The following VTI1A variants were observed in gnomAD, a reference collection of about 807,000 sequenced individuals.
The protein encoded by VTI1A is vesicle transport through interaction with t-SNAREs homolog 1A.
In VTI1A, 22 loss-of-function variants were observed where a neutral mutation model predicts 34.9. The observed-to-expected ratio is 0.63, with a 90% CI of 0.45 to 0.90. The LOEUF (loss-of-function observed/expected upper bound fraction) is 0.90. Among genes scored for constraint, VTI1A ranks in the 40% least tolerant of loss-of-function variants. The probability of loss-of-function intolerance (pLI) is 0.00; values close to 1 mark genes in which losing one functional copy is unlikely to be tolerated. For synonymous variants in VTI1A, 87 were observed against 97.3 expected (o/e 0.89, Z 0.62); for missense variants, 268 against 275.6 (o/e 0.97, Z 0.20).
At chr10:112,778,916 G>A (rs1852027946) in intron 7 of VTI1A, among the ~76,000 whole-genome samples, 1 of 152,128 alleles carries the variant, frequency 6.6e-6, no homozygotes, top group Non-Finnish European at 1.5e-5. Flanking sequence ...TTTGGCACAG[G>A]AAAGAAATAT....
chr10:112,612,523 A>G (rs1845358222), intron 5 of VTI1A, among the ~76,000 whole-genome samples: 1 of 152,128 alleles, frequency 6.6e-6, no homozygotes, highest in Non-Finnish European at 1.5e-5. Flanking sequence ...GGCTCAAGTG[A>G]TGATCCTCCC....
intron 5 of VTI1A, among the ~76,000 whole-genome samples, chr10:112,666,893 C>T (rs755570190): frequency 6.6e-6 from 1 of 152,078 alleles, no homozygotes; most frequent in African/African-American, 2.4e-5. Flanking sequence ...TGAACTCTTA[C>T]AACAATCTCA....
intron 3 of VTI1A, among the ~76,000 whole-genome samples, chr10:112,498,796 A>T (rs1449972518): frequency 6.6e-6 from 1 of 152,058 alleles, no homozygotes; most frequent in African/African-American, 2.4e-5. Flanking sequence ...TCATATTTAG[A>T]TGAACAATTT....
chr10:112,525,620 G>C (rs1850197016), intron 3 of VTI1A, among the ~76,000 whole-genome samples: 1 of 152,156 alleles, frequency 6.6e-6, no homozygotes, highest in African/African-American at 2.4e-5. Flanking sequence ...GGTTCTGCCA[G>C]AGACTTAAGA....
At chr10:112,813,638 CCTCA>C (rs1187740156) in intron 7 of VTI1A, among the ~76,000 whole-genome samples, 4 of 152,192 alleles carry the variant, frequency 2.6e-5, no homozygotes, top group African/African-American at 9.6e-5. Context: ...TGATAATTAG[CCTCA>C]CTATCATAAG....
intron 7 of VTI1A, among the ~76,000 whole-genome samples, chr10:112,747,845 T>C (rs1564910129): frequency 6.6e-6 from 1 of 152,194 alleles, no homozygotes; most frequent in East Asian, 1.9e-4. Context: ...CAGTTGTACC[T>C]AGCAATTTCC....
chr10:112,635,103 G>A (rs1429399298), intron 5 of VTI1A, among the ~76,000 whole-genome samples: 1 of 152,160 alleles, frequency 6.6e-6, no homozygotes, highest in Admixed American at 6.5e-5. Context: ...AGCTGGGGCT[G>A]GAGGTGCCTT....
intron 7 of VTI1A, among the ~76,000 whole-genome samples, chr10:112,724,204 C>T (rs999644231): frequency 2.6e-5 from 4 of 152,086 alleles, no homozygotes; most frequent in African/African-American, 9.7e-5. Flanking sequence ...GTGTTATTGC[C>T]TTTAACCAAG....
rs369070089 is a variant in VTI1A at position 112,769,758 on chromosome 10, A to G, written c.561-45532A>G. ...CTCACCTCTTTTACCTTCCTGTTGC[A>G]ACACCACAGACCTTAGAACATAGCC... On this transcript the variant is annotated intron_variant, in intron 7 of 7. Transcript: ENST00000393077. 5.9e-5 allele frequency among the ~76,000 whole-genome samples: 9 copies of G among 152,274 alleles called. 2 individuals carry two copies. The South Asian group carries it at 1.5e-3, about 25-fold the overall frequency.
intron 3 of VTI1A, among the ~76,000 whole-genome samples, chr10:112,523,284 C>T (rs183134686): frequency 6.6e-6 from 1 of 152,170 alleles, no homozygotes; most frequent in African/African-American, 2.4e-5. Flanking sequence ...ATGCAAAGGA[C>T]CTGTTCATAT....
intron 7 of VTI1A, among the ~76,000 whole-genome samples, chr10:112,721,310 A>G (rs186401836): frequency 6.6e-6 from 1 of 152,350 alleles, no homozygotes; most frequent in East Asian, 1.9e-4. Context: ...CCATTGCCAT[A>G]GTTAACAGTT....
At chr10:112,513,087 T>A (rs1849667807) in intron 3 of VTI1A, among the ~76,000 whole-genome samples, 1 of 152,110 alleles carries the variant, frequency 6.6e-6, no homozygotes, top group Non-Finnish European at 1.5e-5. Flanking sequence ...ATTGATGGTA[T>A]TTTGATAGAG....
intron 5 of VTI1A, among the ~76,000 whole-genome samples, chr10:112,620,776 C>G (rs530143976): frequency 1.9e-4 from 27 of 144,210 alleles, no homozygotes; most frequent in African/African-American, 5.5e-4. Flanking sequence ...GGCAATAAGA[C>G]CGAAACTCCA....
chr10:112,687,518 C>T (rs571193148), intron 7 of VTI1A, among the ~76,000 whole-genome samples: 1 of 152,020 alleles, frequency 6.6e-6, no homozygotes, highest in East Asian at 1.9e-4. Context: ...CAGGTGTGAG[C>T]CACTGCGCCC....
chr10:112,820,904 A>AAGGGCAAGTAGGCCCCCTTG (rs1353136419), downstream of VTI1A, among the ~76,000 whole-genome samples: 1 of 152,078 alleles, frequency 6.6e-6, no homozygotes, highest in Non-Finnish European at 1.5e-5. Flanking sequence ...AGGGGATAGC[A>AAGGGCAAGTAGGCCCCCTTG]AGGGCAAGTA....
intron 5 of VTI1A, among the ~76,000 whole-genome samples, chr10:112,589,154 A>G (rs749508239): frequency 6.6e-6 from 1 of 151,682 alleles, no homozygotes; most frequent in Non-Finnish European, 1.5e-5. Flanking sequence ...TTTCCCCTTA[A>G]TACATGGGGG....
chr10:112,670,283 T>G (rs934596775), intron 7 of VTI1A, among the ~76,000 whole-genome samples: 4 of 152,150 alleles, frequency 2.6e-5, no homozygotes, highest in African/African-American at 9.7e-5. Context: ...TAAAGAGTCC[T>G]CCTGCTTTAT....
At chr10:112,543,709 T>A (rs1408032502) in intron 5 of VTI1A, among the ~76,000 whole-genome samples, 6 of 152,226 alleles carry the variant, frequency 3.9e-5, no homozygotes. Context: ...CAATTTTGGC[T>A]TTTGTTGCCA....
At chr10:112,512,322 A>T (rs113360275) in intron 3 of VTI1A, among the ~76,000 whole-genome samples, 1 of 152,088 alleles carries the variant, frequency 6.6e-6, no homozygotes, top group Non-Finnish European at 1.5e-5. Context: ...GCATTTTTTC[A>T]TATACCTGTT....
Sources: allele counts gnomAD v4.1 joint callset (sites outside exome capture counted in the v4.1 genomes callset), GRCh38; gene constraint gnomAD v4.1.1; transcripts MANE v1.5; gene names NCBI Gene and HGNC (gene_info 2026-07-23, HGNC 2026-07-21).